Variants in TTC16 observed in about 807,000 individuals in gnomAD.
TTC16 encodes tetratricopeptide repeat protein 16.
TTC16 carries 66 observed loss-of-function variants against 80.4 expected under a neutral mutation model. The ratio of observed to expected loss-of-function variants is 0.82; its 90% CI spans 0.67 to 1.01. The LOEUF (loss-of-function observed/expected upper bound fraction) is 1.01. Among genes scored for constraint, TTC16 ranks in the 50% least tolerant of loss-of-function variants. The pLI, the probability that TTC16 is intolerant of heterozygous loss-of-function variation, is 0.00. For missense variants in TTC16, 1,070 were observed against 1,103.2 expected, an observed-to-expected ratio of 0.97 and a Z score of 0.43; for synonymous variants, 438 against 451.3, an observed-to-expected ratio of 0.97 and a Z score of 0.37.
chr9:127,716,639 G>C (rs1472965263), intron 1 of TTC16: 2 of 631,356 alleles, frequency 3.2e-6, no homozygotes, highest in East Asian at 5.6e-5. Flanking sequence ...CCACAGGAGA[G>C]GGAGAAGGGC....
chr9:127,728,165 G>C (rs764848839), intron 12 of TTC16: 1 of 152,266 alleles, frequency 6.6e-6, no homozygotes, highest in Non-Finnish European at 1.5e-5. Flanking sequence ...GCATTATCCA[G>C]ATCGAGAAAG....
chr9:127,719,877 T>G (rs1216409060), intron 4 of TTC16, among the ~76,000 whole-genome samples: 2 of 152,230 alleles, frequency 1.3e-5, no homozygotes. Flanking sequence ...CATCTCTTAC[T>G]GTCTCTTGCT....
At chr9:127,727,207 G>C in intron 11 of TTC16, 63 bp from the exon 12 acceptor site, 1 of 1,527,814 alleles carries the variant, frequency 6.5e-7, no homozygotes, top group Non-Finnish European at 8.8e-7. Context: ...CCGTTGTCTA[G>C]TCCTTGGAGA....
intron 1 of TTC16, 25 bp downstream of exon 1, chr9:127,716,188 G>T (rs759405062): frequency 6.2e-7 from 1 of 1,613,832 alleles, no homozygotes; most frequent in Non-Finnish European, 8.5e-7. Flanking sequence ...GAAGACTAAC[G>T]CAAAGGCAGA....
In TTC16 at chr9:127,727,296, G is replaced by A. The variant is rs746873256; in HGVS notation, c.1595G>A (p.Arg532His). The change falls in exon 12 of 14, where the codon CGC (arginine) becomes CAC (histidine). Residue 532 changes from arginine (R) to histidine (H), a missense_variant. Physicochemically the swap from Arg to His is conservative, Grantham distance 29. Coordinates refer to ENST00000373289, the MANE Select transcript of TTC16 (RefSeq NM_144965.3). ...VGMLKRHELE[R>H]QKALALQHSW... ...ATGCTTAAACGGCACGAGTTGGAGC[G>A]CCAGAAGGCCTTGGCCCTGCAGCAC... 2.3e-5 allele frequency: 37 copies of A among 1,574,698 alleles called. No individual in the cohort carries two copies. Among genetic ancestry groups the A allele is most frequent in the Non-Finnish European group, 3.0e-5 (35 of 1,158,018 alleles).
Position 127,730,779 on chromosome 9 carries a change from A to C in TTC16, c.1996A>C (p.Ser666Arg). Residue 666 changes from serine to arginine, a missense_variant, in exon 14 of 14, where the codon AGC becomes CGC. Coordinates refer to ENST00000373289, the MANE Select transcript of TTC16 (RefSeq NM_144965.3). ...SDSGNNREAL[S>R]HGPRKIKATQ... ...CTCTGGGAACAACAGGGAGGCACTA[A>C]GCCATGGTCCCAGAAAAATCAAGGC... is the stretch of plus-strand genomic sequence containing the variant. The C allele has an allele frequency of 6.2e-7, 1 of 1,613,772 alleles. No homozygotes were observed. Among genetic ancestry groups the C allele is most frequent in the Non-Finnish European group, 8.5e-7 (1 of 1,180,032 alleles).
intron 7 of TTC16, among the ~76,000 whole-genome samples, 199 bp from the exon 8 acceptor site, chr9:127,723,921 C>T (rs1379332765): frequency 1.4e-5 from 2 of 143,720 alleles, no homozygotes; most frequent in Non-Finnish European, 1.5e-5. Flanking sequence ...AAAAAAAATG[C>T]TCAGTGCCTA....
intron 8 of TTC16, 126 bp from the exon 9 acceptor site, chr9:127,724,630 G>A (rs936963062): frequency 3.3e-5 from 44 of 1,332,604 alleles, no homozygotes; most frequent in South Asian, 8.7e-5. Context: ...TAGAGAGGAC[G>A]GAGACTGCGG....
rs1237624026 is a variant in TTC16, at chr9:127,722,014, C to T, written c.658-1105C>T. Among the ~76,000 whole-genome samples the T allele has an allele frequency of 3.3e-5, 5 of 152,146 alleles. No homozygotes were observed. The highest frequency in any genetic ancestry group is 4.8e-5 in the African/African-American group (2 of 41,408). On this transcript the variant is annotated intron_variant, in intron 6 of 13. Transcript: ENST00000373289. This position sits in a 1 kb window ranked among gnomAD's most constrained non-coding sequence, Gnocchi z 4.2. ...GTGACTGTTGTGATTTTAGCCCCTC[C>T]GATACGTAGGCGTGTTCTCAGCACT...
rs1342083491 is a variant in TTC16 at position 127,726,313 on chromosome 9, A to G, written c.1334A>G (p.Tyr445Cys). ...HNPQKAQYYL[Y>C]RAKSRQLLQN... ...CCCCAGAAGGCCCAGTACTACCTGT[A>G]CCGGGCCAAGAGCCGGCAGCTGCTG... Residue 445 changes from tyrosine to cysteine, a missense_variant, in exon 10 of 14, where the codon TAC (tyrosine) becomes TGC (cysteine). Tyr to Cys is a radical substitution (Grantham distance 194). Transcript: ENST00000373289. 6.2e-7 allele frequency: 1 copy of G among 1,612,152 alleles called. No individual in the cohort carries two copies. Among genetic ancestry groups the G allele is most frequent in the Non-Finnish European group, 8.5e-7 (1 of 1,179,406 alleles).
At position 127,724,795 on chromosome 9, in the gene TTC16, C is replaced by T. The variant is rs780199009; in HGVS notation, c.1157C>T (p.Ala386Val). The T allele has an allele frequency of 7.5e-6, 12 of 1,610,414 alleles. No homozygotes were observed. Among genetic ancestry groups the T allele is most frequent in the South Asian group, 5.5e-5 (5 of 90,658 alleles). ...FQLGNLAFAE[A>V]DYQQALALSP... ...CTGGGCAACCTGGCCTTTGCCGAGG[C>T]GGACTACCAGCAGGCGCTGGCGCTG... Residue 386 changes from alanine (A) to valine (V), a missense_variant, in exon 9 of 14, where the codon GCG becomes GTG. By Grantham distance (64) the Ala-to-Val change is moderately conservative. Coordinates refer to ENST00000373289, the MANE Select transcript of TTC16 (RefSeq NM_144965.3).
Position 127,727,103 on chromosome 9 carries a change from GC to G in TTC16, c.1560del (p.Ile521LeufsTer28). On this transcript the variant is annotated frameshift_variant, in exon 11 of 14. Coordinates refer to ENST00000373289, the MANE Select transcript of TTC16 (RefSeq NM_144965.3). LOFTEE classifies it high-confidence loss of function. The part of the protein sequence containing the change: ...EGSLQAGSPQ[G>X]IVGMLKRHEL... ...AGCCTGCAGGCCGGCAGCCCACAAGGCATTGTGGGGTAAGCCCTGGAGCAAG... is the reference window on the plus strand; with the variant it reads ...AGCCTGCAGGCCGGCAGCCCACAAGGATTGTGGGGTAAGCCCTGGAGCAAG... 6.2e-7 allele frequency: 1 copy of G among 1,601,556 alleles called. No homozygotes were observed. Among genetic ancestry groups the G allele is most frequent in the Non-Finnish European group, 8.5e-7 (1 of 1,173,200 alleles).
Position 127,727,252 on chromosome 9 carries a change from G to A in TTC16, c.1569-18G>A. 6.5e-7 allele frequency: 1 copy of A among 1,545,336 alleles called. No homozygotes were observed. The highest frequency in any genetic ancestry group is 1.2e-5 in the South Asian group (1 of 81,332). ...GGGCCAGGGAGACTGACAATACCTGGGGGGTATCGTTTGGCAGGATGCTTA... is the reference window on the plus strand; with the variant it reads ...GGGCCAGGGAGACTGACAATACCTGAGGGGTATCGTTTGGCAGGATGCTTA... On this transcript the variant is annotated intron_variant, in intron 11 of 13. Transcript: ENST00000373289.
At chr9:127,725,274 A>C (rs1047126102) in intron 9 of TTC16, among the ~76,000 whole-genome samples, 13 of 150,234 alleles carry the variant, frequency 8.7e-5, no homozygotes, top group East Asian at 4.0e-4. Context: ...ACTCTGTCCC[A>C]AAAAAAAAGG....
intron 4 of TTC16, 127 bp downstream of exon 4, chr9:127,717,899 G>C (rs1843178848): frequency 2.4e-6 from 3 of 1,231,970 alleles, no homozygotes; most frequent in Middle Eastern, 2.9e-4. Flanking sequence ...CCCCCCCGCT[G>C]CCCCTCTCAC....
At position 127,717,168 on chromosome 9, in the gene TTC16, C is replaced by T. The variant is rs190445755; in HGVS notation, c.191+152C>T. The T allele has an allele frequency of 2.0e-5, 24 of 1,228,224 alleles. No individual in the cohort carries two copies. In the African/African-American group the frequency reaches 3.3e-4, roughly 17 times the overall value. The allele number at this position is 1,228,224 out of a possible 1,614,324, so 76.1% of individuals were successfully genotyped here. The stretch of plus-strand genomic sequence containing the variant: ...ACCTCAGTGGGAACGAGGCTGATGG[C>T]CTGGCTGGACTCCAGGAACACCAGC... On this transcript the variant is annotated intron_variant, in intron 2 of 13. Transcript: ENST00000373289.
At chr9:127,726,133 A>T (rs1479276816) in intron 9 of TTC16, 106 bp from the exon 10 acceptor site, 4 of 967,118 alleles carry the variant, frequency 4.1e-6, no homozygotes, top group East Asian at 2.8e-5. Context: ...TGAGGGGAGC[A>T]GACCTAGCCT....
chr9:127,720,098 G>T lies in TTC16; in HGVS notation c.447G>T (p.Gln149His), dbSNP rs764954985. Residue 149 changes from glutamine to histidine, a missense_variant, in exon 5 of 14, where the codon CAG (glutamine) becomes CAT (histidine). Transcript: ENST00000373289. ...LYLQGQCLFE[Q>H]CAFLDALNVF... is the part of the protein sequence containing the mutation. Reference sequence around the variant, plus strand: ...CCCAGGGACAATGCCTTTTTGAGCAGTGTGCCTTCCTGGATGCCCTGAATG... The same window carrying T: ...CCCAGGGACAATGCCTTTTTGAGCATTGTGCCTTCCTGGATGCCCTGAATG... 6 of 1,613,758 alleles carry T rather than the reference G, an allele frequency of 3.7e-6. No individual in the cohort carries two copies. Among genetic ancestry groups the T allele is most frequent in the South Asian group, 1.1e-5 (1 of 91,092 alleles).
chr9:127,723,315 CCA>C lies in TTC16; in HGVS notation c.855_856del (p.Phe288ProfsTer206), dbSNP rs771977088. On this transcript the variant is annotated frameshift_variant, in exon 7 of 14. Transcript: ENST00000373289. LOFTEE classifies it high-confidence loss of function. ...GCCATCGAGAACAACCCTCTGGACC[CCA>C]GTCTCTTCCTCTTCCGGTACTGCAT... The C allele has an allele frequency of 5.6e-6, 9 of 1,612,626 alleles. No homozygotes were observed. Among genetic ancestry groups the C allele is most frequent in the Middle Eastern group, 3.3e-4 (2 of 6,080 alleles).
Sources: gnomAD v4.1 joint callset for allele counts (sites outside exome capture counted in the v4.1 genomes callset) on GRCh38, gnomAD v4.1.1 for gene constraint, Gnocchi (gnomAD v3.1) non-coding constraint, MANE v1.5 for transcripts, NCBI Gene and HGNC (gene_info 2026-07-23, HGNC 2026-07-21) for gene names.